NUP210: variants seen among roughly 807,000 people sequenced by gnomAD.
The protein encoded by NUP210 is nucleoporin 210, also known as nuclear pore membrane glycoprotein 210.
A neutral mutation model predicts 196.0 loss-of-function variants in NUP210; 151 were observed. That is an observed-to-expected ratio of 0.77 (90% CI 0.67 to 0.88). The LOEUF (loss-of-function observed/expected upper bound fraction) is 0.88. NUP210 is among the 40% of genes least tolerant of loss of function. NUP210 has a pLI of 0.00. For synonymous variants in NUP210, 1,070 were observed against 1,052.7 expected (o/e 1.02, Z -0.32); for missense variants, 2,314 against 2,493.7 (o/e 0.93, Z 1.53).
intron 1 of NUP210, among the ~76,000 whole-genome samples, chr3:13,400,169 C>G (rs1162418461): frequency 1.3e-5 from 2 of 152,186 alleles, no homozygotes; most frequent in Non-Finnish European, 2.9e-5. Context: ...GTCCAAGACT[C>G]CTGCAGATGT....
Position 13,322,209 on chromosome 3 carries a change from C to T in NUP210, c.4899G>A (p.Gln1633=), listed in dbSNP as rs1433272638. 3.7e-6 allele frequency: 6 copies of T among 1,614,158 alleles called. No homozygotes were observed. The highest frequency in any genetic ancestry group is 1.3e-5 in the African/African-American group (1 of 74,956). ...PSQDVFTVEP[Q]FDTALGQYFC... ...CGCAATTACCGAGAGCAGTGTCAAA[C>T]TGTGGCTCCACGGTGAACACATCTT... Residue 1633 remains glutamine (Q), a synonymous_variant, in exon 35 of 40, where the codon CAG becomes CAA. Coordinates refer to ENST00000254508, the MANE Select transcript of NUP210 (RefSeq NM_024923.4).
intron 3 of NUP210, among the ~76,000 whole-genome samples, chr3:13,395,277 A>G (rs962184532): frequency 1.3e-5 from 2 of 152,204 alleles, no homozygotes; most frequent in African/African-American, 4.8e-5. Flanking sequence ...GTTTAACTAG[A>G]ACCACAAGGA....
intron 38 of NUP210, 35 bp from the exon 39 acceptor site, chr3:13,319,190 G>T (rs1559301800): frequency 3.1e-6 from 5 of 1,611,318 alleles, no homozygotes; most frequent in Non-Finnish European, 4.2e-6. Context: ...AGCAGGTCGG[G>T]GCAGGGGAAC....
At chr3:13,383,473 A>C (rs1699167716) in intron 6 of NUP210, among the ~76,000 whole-genome samples, 1 of 144,816 alleles carries the variant, frequency 6.9e-6, no homozygotes, top group Admixed American at 6.8e-5. Flanking sequence ...TGGGAGGTGC[A>C]GTTCCTCTGG....
At chr3:13,390,399 G>C (rs771601871) in intron 4 of NUP210, among the ~76,000 whole-genome samples, 1 of 152,178 alleles carries the variant, frequency 6.6e-6, no homozygotes, top group African/African-American at 2.4e-5. Flanking sequence ...GAGGAAGGCG[G>C]CACAGTCGGG....
chr3:13,334,816 C>G (rs1422806810), intron 28 of NUP210, among the ~76,000 whole-genome samples: 2 of 152,188 alleles, frequency 1.3e-5, no homozygotes, highest in Non-Finnish European at 2.9e-5. Context: ...AGGGCTGCAC[C>G]CCAGGCAGGA....
chr3:13,376,319 T>G lies in NUP210; in HGVS notation c.1265A>C (p.Asp422Ala). Reference protein sequence around the residue: ...RALKRGQTAIDAALTSVVDQD... With the variant: ...RALKRGQTAIAAALTSVVDQD... ...GTCCACCACAGAGGTGAGGGCCGCG[T>G]CAATGGCCGTCTGTCCCCTCTTTAG... Residue 422 changes from aspartate (D) to alanine (A), a missense_variant, in exon 10 of 40, where the codon GAC becomes GCC. Physicochemically the swap from Asp to Ala is moderately radical, Grantham distance 126. Transcript: ENST00000254508. The G allele has an allele frequency of 6.2e-7, 1 of 1,614,072 alleles. No homozygotes were observed.
chr3:13,325,863 C>T lies in NUP210; in HGVS notation c.4576G>A (p.Val1526Met). The change falls in exon 33 of 40, where the codon GTG becomes ATG. Residue 1526 changes from valine (V) to methionine (M), a missense_variant. Val to Met is a conservative substitution (Grantham distance 21). Transcript: ENST00000254508. ...GTCACGGATCCCACGGCCCGGGCCA[C>T]AGCCACACCCGTCTTGGGGTCGATG... ...LHIDPKTGVA[V>M]ARAVGSVTVY... is the part of the protein sequence containing the mutation. 2 of 1,614,104 alleles carry T rather than the reference C, an allele frequency of 1.2e-6. No homozygotes were observed. Among genetic ancestry groups the T allele is most frequent in the Non-Finnish European group, 8.5e-7 (1 of 1,180,038 alleles).
At position 13,322,310 on chromosome 3, in the gene NUP210, T is replaced by C; in HGVS notation, c.4798A>G (p.Ile1600Val). 6.2e-7 allele frequency: 1 copy of C among 1,614,180 alleles called. No homozygotes were observed. Among genetic ancestry groups the C allele is most frequent in the Non-Finnish European group, 8.5e-7 (1 of 1,180,020 alleles). Residue 1600 changes from isoleucine (I) to valine (V), a missense_variant, in exon 35 of 40, where the codon ATC becomes GTC. Physicochemically the swap from Ile to Val is conservative, Grantham distance 29. Coordinates refer to ENST00000254508, the MANE Select transcript of NUP210 (RefSeq NM_024923.4). ...AGGGTCTCTGGGTGCAAGGCCTGGA[T>C]GACTTCCCTCTGGGTGGGGGTGCAC... ...GECTPTQREV[I>V]QALHPETLIS...
intron 34 of NUP210, 27 bp from the exon 35 acceptor site, chr3:13,322,366 T>A: frequency 6.2e-7 from 1 of 1,613,378 alleles, no homozygotes; most frequent in Non-Finnish European, 8.5e-7. Flanking sequence ...CGAGAGGGTG[T>A]GGGCCAGGCC....
rs1669142736 is a variant in NUP210, at chr3:13,341,805, A to C, written c.3171T>G (p.Thr1057=). 1.9e-6 allele frequency: 3 copies of C among 1,614,226 alleles called. No homozygotes were observed. The highest frequency in any genetic ancestry group is 2.5e-6 in the Non-Finnish European group (3 of 1,180,044). Residue 1057 remains threonine (T), a synonymous_variant, in exon 23 of 40, where the codon ACT becomes ACG. Transcript: ENST00000254508. The part of the protein sequence containing the change: ...RGVAIGQTSL[T]ASVTNKAGQR... ...GTCCAGCTTTATTGGTCACACTTGC[A>C]GTTAGACTGGTCTGGCCGATGGCCA...
rs777248899 is a variant in NUP210 at position 13,399,798 on chromosome 3, G to C, written c.231C>G (p.Ser77=). 6.2e-7 allele frequency: 1 copy of C among 1,613,872 alleles called. No homozygotes were observed. The highest frequency in any genetic ancestry group is 1.1e-5 in the South Asian group (1 of 91,064). Residue 77 remains serine, a synonymous_variant, in exon 2 of 40, where the codon TCC becomes TCG. Transcript: ENST00000254508. ...GGCGGGCCTGCACCACTGCCTTCTG[G>C]GAGCACTGCTGCTCGTCCAGGCCCA... is the stretch of plus-strand genomic sequence containing the variant. ...EPLGLDEQQC[S]QKAVVQARLT...
intron 6 of NUP210, among the ~76,000 whole-genome samples, chr3:13,385,449 T>C (rs1190929135): frequency 6.6e-6 from 1 of 152,168 alleles, no homozygotes; most frequent in Non-Finnish European, 1.5e-5. Flanking sequence ...GGACTGGCGC[T>C]CCATTGAGAA....
intron 4 of NUP210, among the ~76,000 whole-genome samples, chr3:13,389,490 G>C (rs1357612103): frequency 1.3e-5 from 2 of 152,172 alleles, no homozygotes; most frequent in African/African-American, 4.8e-5. Context: ...CCCTGGCTAA[G>C]GACACAGGCA....
intron 1 of NUP210, among the ~76,000 whole-genome samples, chr3:13,400,506 G>C (rs1196314717): frequency 6.6e-6 from 1 of 152,210 alleles, no homozygotes; most frequent in East Asian, 1.9e-4. Context: ...AGGATAACAG[G>C]AATGTGTGGG....
In NUP210 at chr3:13,320,188, G is replaced by T. The variant is rs541977993; in HGVS notation, c.5167-209C>A. ...AGGTCACATCTCATGGGCAGGTAAT[G>T]ACACCTGGGCACTGCTCATGGACGG... is the stretch of plus-strand genomic sequence containing the variant. On this transcript the variant is annotated intron_variant, in intron 36 of 39. Transcript: ENST00000254508. 2.0e-5 allele frequency among the ~76,000 whole-genome samples: 3 copies of T among 152,344 alleles called. No homozygotes were observed. In the South Asian group the frequency reaches 6.2e-4, roughly 32 times the overall value.
chr3:13,328,619 C>G (rs553209604), intron 31 of NUP210, 152 bp downstream of exon 31: 2 of 719,776 alleles, frequency 2.8e-6, no homozygotes, highest in African/African-American at 1.8e-5. Context: ...TTCCTCGTGG[C>G]CCTGCATGGT....
chr3:13,379,505 G>A lies in NUP210; in HGVS notation c.976+58C>T. 9.4e-6 allele frequency: 15 copies of A among 1,603,264 alleles called. No homozygotes were observed. Among genetic ancestry groups the A allele is most frequent in the Non-Finnish European group, 1.3e-5 (15 of 1,174,024 alleles). ...CGAGCTTTCAGGGAAAAAAAGACTT[G>A]ACTTCCAAACAGCAGCTCCGCCATG... On this transcript the variant is annotated intron_variant, in intron 7 of 39. Transcript: ENST00000254508. This position sits in a 1 kb window ranked among gnomAD's most constrained non-coding sequence, Gnocchi z 4.2.
chr3:13,390,813 C>T (rs1699464619), intron 4 of NUP210, among the ~76,000 whole-genome samples: 1 of 152,230 alleles, frequency 6.6e-6, no homozygotes, highest in African/African-American at 2.4e-5. Context: ...GCGACTCAGC[C>T]TGTTCCACCT....
Sources: allele counts gnomAD v4.1 joint callset (sites outside exome capture counted in the v4.1 genomes callset), GRCh38; gene constraint gnomAD v4.1.1; non-coding constraint Gnocchi (gnomAD v3.1); transcripts MANE v1.5; gene names NCBI Gene and HGNC (gene_info 2026-07-23, HGNC 2026-07-21).